Variants in LYPLAL1 observed in about 807,000 individuals in gnomAD.
LYPLAL1 encodes the protein lysophospholipase-like protein 1.
In LYPLAL1, 23 loss-of-function variants were observed where a neutral mutation model predicts 19.7. The ratio of observed to expected loss-of-function variants is 1.17; its 90% CI spans 0.84 to 1.65. The LOEUF (loss-of-function observed/expected upper bound fraction) is 1.65, where lower values mean the gene tolerates loss of function less well. LYPLAL1 is among the 40% of genes most tolerant of loss of function. The pLI is 0.00. For synonymous variants in LYPLAL1, 119 were observed against 96.3 expected (o/e 1.24, Z -1.38); for missense variants, 355 against 279.4 (o/e 1.27, Z -1.93).
the LYPLAL1 span, among the ~76,000 whole-genome samples, chr1:219,359,101 A>G: frequency 6.6e-6 from 1 of 152,186 alleles, no homozygotes; most frequent in African/African-American, 2.4e-5. Context: ...GAAACCTTAC[A>G]TCATACTTAA....
At chr1:219,300,574 G>A in the LYPLAL1 span, among the ~76,000 whole-genome samples, 96 of 120,172 alleles carry the variant, frequency 8.0e-4, 1 homozygote, top group Non-Finnish European at 1.3e-3. Flanking sequence ...TCGCTCTGTC[G>A]CCCAGGCTGG....
At chr1:219,350,526 T>C in the LYPLAL1 span, among the ~76,000 whole-genome samples, 1 of 152,222 alleles carries the variant, frequency 6.6e-6, no homozygotes, top group Non-Finnish European at 1.5e-5. Context: ...TGGTAGAGAA[T>C]ATCTACATTT....
At chr1:219,396,068 A>G in the LYPLAL1 span, among the ~76,000 whole-genome samples, 1 of 148,870 alleles carries the variant, frequency 6.7e-6, no homozygotes. Context: ...GCACCACTGT[A>G]CTCTAGCCTG....
At chr1:219,388,383 C>G in the LYPLAL1 span, among the ~76,000 whole-genome samples, 4 of 152,124 alleles carry the variant, frequency 2.6e-5, no homozygotes, top group Non-Finnish European at 5.9e-5. Flanking sequence ...TTTCCTTGTA[C>G]ACTTATTCCT....
chr1:219,251,772 G>T, the LYPLAL1 span, among the ~76,000 whole-genome samples: 117 of 152,108 alleles, frequency 7.7e-4, no homozygotes, highest in Non-Finnish European at 7.5e-4. Context: ...CTCCTTTTTG[G>T]TTCCATATGA....
the LYPLAL1 span, among the ~76,000 whole-genome samples, chr1:219,266,198 AT>A: frequency 5.9e-5 from 9 of 152,224 alleles, no homozygotes; most frequent in South Asian, 1.9e-3. Context: ...AAACAAACAC[AT>A]TTTAGAGCTG....
chr1:219,422,676 CT>C, the LYPLAL1 span, among the ~76,000 whole-genome samples: 1 of 152,108 alleles, frequency 6.6e-6, no homozygotes, highest in African/African-American at 2.4e-5. Context: ...CCAGGATCAA[CT>C]TAAAATAATA....
intron 2 of LYPLAL1, among the ~76,000 whole-genome samples, chr1:219,180,623 A>G (rs1553297083): frequency 1.3e-5 from 2 of 152,188 alleles, no homozygotes; most frequent in Non-Finnish European, 2.9e-5. Context: ...GATTTTTAGG[A>G]TAGTTGAAGT....
chr1:219,174,463 T>G (rs1179219515), intron 1 of LYPLAL1, among the ~76,000 whole-genome samples: 2 of 152,224 alleles, frequency 1.3e-5, no homozygotes, highest in African/African-American at 4.8e-5. Flanking sequence ...ATTATCTCTT[T>G]TCTGTAAGCC....
chr1:219,318,013 G>A, the LYPLAL1 span, among the ~76,000 whole-genome samples: 1 of 152,180 alleles, frequency 6.6e-6, no homozygotes, highest in Non-Finnish European at 1.5e-5. Flanking sequence ...TCACTCTTGG[G>A]TGTTCAAGTC....
chr1:219,413,951 C>T, the LYPLAL1 span, among the ~76,000 whole-genome samples: 2 of 152,168 alleles, frequency 1.3e-5, no homozygotes, highest in East Asian at 1.9e-4. Context: ...AAGACTTCTG[C>T]AAGCAAATAC....
chr1:219,183,941 A>C (rs183015506), intron 2 of LYPLAL1, among the ~76,000 whole-genome samples: 74 of 152,074 alleles, frequency 4.9e-4, no homozygotes, highest in Admixed American at 9.2e-4. Context: ...TCTAGACTCT[A>C]TTCCATTGGT....
the LYPLAL1 span, among the ~76,000 whole-genome samples, chr1:219,323,211 C>T: frequency 6.6e-6 from 1 of 151,928 alleles, no homozygotes; most frequent in African/African-American, 2.4e-5. Flanking sequence ...GGTGCAACCA[C>T]ATGGAAAGGT....
chr1:219,235,916 T>C, the LYPLAL1 span, among the ~76,000 whole-genome samples: 1 of 152,170 alleles, frequency 6.6e-6, no homozygotes, highest in Non-Finnish European at 1.5e-5. Flanking sequence ...TGTTTGGTGT[T>C]TCAACAATAT....
Position 219,211,619 on chromosome 1 carries a change from A to G in LYPLAL1, c.605A>G (p.Lys202Arg). The G allele has an allele frequency of 6.2e-7, 1 of 1,613,488 alleles. No homozygotes were observed. ...SMLKSLGVTT[K>R]FHSFPNVYHE... ...TTAAAATCTCTAGGAGTGACCACGA[A>G]GTTTCATAGTTTTCCAAATGTTTAC... Residue 202 changes from lysine to arginine, a missense_variant, in exon 5 of 5, where the codon AAG (lysine) becomes AGG (arginine). By Grantham distance (26) the Lys-to-Arg change is conservative. Transcript: ENST00000366928.
chr1:219,331,926 C>A, the LYPLAL1 span, among the ~76,000 whole-genome samples: 1 of 152,136 alleles, frequency 6.6e-6, no homozygotes, highest in African/African-American at 2.4e-5. Flanking sequence ...AGGGATTTCA[C>A]AGTGGAATTC....
chr1:219,370,821 G>T, the LYPLAL1 span, among the ~76,000 whole-genome samples: 1 of 152,088 alleles, frequency 6.6e-6, no homozygotes, highest in African/African-American at 2.4e-5. Context: ...CCAAGAAATT[G>T]GGCTTCTGCA....
the LYPLAL1 span, among the ~76,000 whole-genome samples, chr1:219,234,398 C>T: frequency 1.3e-5 from 2 of 152,018 alleles, no homozygotes; most frequent in Non-Finnish European, 2.9e-5. Flanking sequence ...ACCAAATAAA[C>T]CTCTCTATTA....
chr1:219,281,357 G>T, the LYPLAL1 span, among the ~76,000 whole-genome samples: 1 of 152,026 alleles, frequency 6.6e-6, no homozygotes, highest in Non-Finnish European at 1.5e-5. Flanking sequence ...GTACATAAAA[G>T]ATTTAAAGAT....
Sources: gnomAD v4.1 joint callset for allele counts (sites outside exome capture counted in the v4.1 genomes callset) on GRCh38, gnomAD v4.1.1 for gene constraint, MANE v1.5 for transcripts, NCBI Gene and HGNC (gene_info 2026-07-23, HGNC 2026-07-21) for gene names.